Variants in MAML1 observed in about 807,000 individuals in gnomAD.
MAML1 encodes mastermind-like protein 1.
A neutral mutation model predicts 77.1 loss-of-function variants in MAML1; 14 were observed. The ratio of observed to expected loss-of-function variants is 0.18; its 90% CI spans 0.12 to 0.28. MAML1 has a LOEUF of 0.28. Among genes scored for constraint, MAML1 ranks in the 10% least tolerant of loss-of-function variants. The probability of loss-of-function intolerance (pLI) is 1.00; values close to 1 mark genes in which losing one functional copy is unlikely to be tolerated. For missense variants in MAML1, 1,217 were observed against 1,327.8 expected, an observed-to-expected ratio of 0.92 and a Z score of 1.30; for synonymous variants, 516 against 551.9, an observed-to-expected ratio of 0.93 and a Z score of 0.91.
chr5:179,774,721 C>T lies in MAML1; in HGVS notation c.2895C>T (p.Thr965=), dbSNP rs527843157. 1.7e-5 allele frequency: 27 copies of T among 1,611,272 alleles called. No individual in the cohort carries two copies. Among genetic ancestry groups the T allele is most frequent in the Middle Eastern group, 1.6e-4 (1 of 6,062 alleles). The stretch of plus-strand genomic sequence containing the variant: ...GCACCCAGGCCTACCCTGTGCGGAC[C>T]GCGGGCCAGGAGCTGCCTTTTGCCT... ...LHCTQAYPVR[T]AGQELPFAYS... is the part of the protein sequence containing the mutation. Residue 965 remains threonine, a synonymous_variant, in exon 5 of 5, where the codon ACC becomes ACT. Transcript: ENST00000292599.
chr5:179,764,809 C>T (rs937835067), intron 1 of MAML1, among the ~76,000 whole-genome samples: 11 of 151,978 alleles, frequency 7.2e-5, no homozygotes, highest in South Asian at 6.2e-4. Context: ...CAAAAAATAC[C>T]GGAAGTTAGC....
At chr5:179,752,792 GAGA>G (rs1304359163) in intron 1 of MAML1, among the ~76,000 whole-genome samples, 1 of 151,186 alleles carries the variant, frequency 6.6e-6, no homozygotes, top group Non-Finnish European at 1.5e-5. Flanking sequence ...TTATTTTTTT[GAGA>G]AGGAGTCTCA....
At chr5:179,739,792 A>G (rs988764957) in intron 1 of MAML1, among the ~76,000 whole-genome samples, 4 of 152,206 alleles carry the variant, frequency 2.6e-5, no homozygotes, top group African/African-American at 7.2e-5. Flanking sequence ...AGATGTGTAT[A>G]TATTATTGCA....
At chr5:179,742,175 C>A (rs962660071) in intron 1 of MAML1, among the ~76,000 whole-genome samples, 3 of 150,056 alleles carry the variant, frequency 2.0e-5, no homozygotes, top group Admixed American at 1.3e-4. Flanking sequence ...ACCTGGCCAA[C>A]AAACTTAATT....
intron 1 of MAML1, among the ~76,000 whole-genome samples, chr5:179,734,092 T>C (rs896226053): frequency 8.5e-5 from 13 of 152,246 alleles, no homozygotes; most frequent in Admixed American, 2.6e-4. Context: ...AGATTGTTGG[T>C]CAATTATTAC....
rs572697252 is a variant in MAML1, at chr5:179,746,251, C to T, written c.315+12824C>T. Among the ~76,000 whole-genome samples, 157 of 151,858 alleles carry T rather than the reference C, an allele frequency of 1.0e-3. 1 individual carries two copies. The highest frequency in any genetic ancestry group is 3.7e-3 in the African/African-American group (152 of 41,468). On this transcript the variant is annotated intron_variant, in intron 1 of 4. Coordinates refer to ENST00000292599, the MANE Select transcript of MAML1 (RefSeq NM_014757.5). ...ATCCCAGCAACTTGGGAGGCTGAGG[C>T]AGGAGAATCGCTTGAACCTGGGAGG...
At chr5:179,770,170 TG>T (rs954268262) in intron 3 of MAML1, among the ~76,000 whole-genome samples, 1 of 152,064 alleles carries the variant, frequency 6.6e-6, no homozygotes, top group Non-Finnish European at 1.5e-5. Flanking sequence ...TGCTCTGGGC[TG>T]GGCGCAGTGG....
chr5:179,732,847 T>C lies in MAML1; in HGVS notation c.-266T>C, dbSNP rs1581918131. The C allele has an allele frequency of 1.3e-5, 3 of 228,008 alleles. No individual in the cohort carries two copies. The highest frequency in any genetic ancestry group is 2.5e-5 in the Non-Finnish European group (3 of 118,170). The allele number at this position is 228,008 out of a possible 1,614,324, so 14.1% of individuals were successfully genotyped here. On this transcript the variant is annotated 5_prime_UTR_variant, in exon 1 of 5. The change abolishes an upstream ATG in the 5' untranslated region. Coordinates refer to ENST00000292599, the MANE Select transcript of MAML1 (RefSeq NM_014757.5). ...GAGAGGCCCGAAAACAATTTTAAGA[T>C]GGCGGCCGCGGCGGTAGCGCGGAAA... is the stretch of plus-strand genomic sequence containing the variant.
At chr5:179,753,308 C>G (rs1434134173) in intron 1 of MAML1, among the ~76,000 whole-genome samples, 1 of 152,088 alleles carries the variant, frequency 6.6e-6, no homozygotes, top group Non-Finnish European at 1.5e-5. Context: ...CTTCTGATTT[C>G]ACTACTCAAT....
At position 179,765,760 on chromosome 5, in the gene MAML1, G is replaced by A. The variant is rs1484384393; in HGVS notation, c.750G>A (p.Glu250=). ...LMPDLNLNEQ[E]WKELIEELNR... is the part of the protein sequence containing the mutation. ...CAGACCTCAACCTTAACGAGCAGGAGTGGAAGGAGCTCATCGAGGAGCTGA... is the reference window on the plus strand; with the variant it reads ...CAGACCTCAACCTTAACGAGCAGGAATGGAAGGAGCTCATCGAGGAGCTGA... The change falls in exon 2 of 5, where the codon GAG becomes GAA. Residue 250 remains glutamate (E), a synonymous_variant. Coordinates refer to ENST00000292599, the MANE Select transcript of MAML1 (RefSeq NM_014757.5). The A allele has an allele frequency of 8.1e-6, 13 of 1,614,056 alleles. No homozygotes were observed. The highest frequency in any genetic ancestry group is 1.0e-5 in the Non-Finnish European group (12 of 1,180,018).
chr5:179,752,236 G>T (rs1331170350), intron 1 of MAML1, among the ~76,000 whole-genome samples: 4 of 146,768 alleles, frequency 2.7e-5, no homozygotes, highest in Non-Finnish European at 5.9e-5. Context: ...TGAGGCAGGA[G>T]AATCGCTTGA....
chr5:179,767,328 T>A (rs1277698644), intron 2 of MAML1, among the ~76,000 whole-genome samples: 1 of 152,176 alleles, frequency 6.6e-6, no homozygotes, highest in Non-Finnish European at 1.5e-5. Flanking sequence ...GAATTTGTAA[T>A]ACATGCTAAA....
Position 179,766,532 on chromosome 5 carries a change from T to C in MAML1, c.1522T>C (p.Ser508Pro). The C allele has an allele frequency of 6.2e-7, 1 of 1,602,532 alleles. No individual in the cohort carries two copies. The highest frequency in any genetic ancestry group is 1.1e-5 in the South Asian group (1 of 89,754). The part of the protein sequence containing the change: ...LNQNSANNQG[S>P]VLDYGNTKPL... The stretch of plus-strand genomic sequence containing the variant: ...TCAGAACTCCGCGAATAACCAGGGG[T>C]CTGTGCTGGACTACGGCAATACAAA... Residue 508 changes from serine (S) to proline (P), a missense_variant, in exon 2 of 5, where the codon TCT becomes CCT. Physicochemically the swap from Ser to Pro is moderately conservative, Grantham distance 74. This residue lies in a region of MAML1 where 884 missense variants were observed against 949.3 expected (regional missense o/e 0.93). Coordinates refer to ENST00000292599, the MANE Select transcript of MAML1 (RefSeq NM_014757.5). The surrounding 1 kb of genome is among the most constrained non-coding windows in gnomAD (Gnocchi z 4.0).
chr5:179,756,764 C>T (rs575119829), intron 1 of MAML1, among the ~76,000 whole-genome samples: 3 of 152,130 alleles, frequency 2.0e-5, no homozygotes, highest in South Asian at 4.1e-4. Context: ...TAAAAAATGA[C>T]TTGAACTAAC....
At chr5:179,740,396 A>G (rs1029439572) in intron 1 of MAML1, among the ~76,000 whole-genome samples, 10 of 152,002 alleles carry the variant, frequency 6.6e-5, no homozygotes, top group African/African-American at 2.4e-4. Flanking sequence ...TCAGCCTCCC[A>G]AGTAGCTGGG....
At chr5:179,753,148 TCA>T (rs1466773966) in intron 1 of MAML1, among the ~76,000 whole-genome samples, 6 of 152,104 alleles carry the variant, frequency 3.9e-5, no homozygotes, top group Admixed American at 3.3e-4. Context: ...ATTACTGATT[TCA>T]GTTTGCTCAC....
At position 179,768,850 on chromosome 5, in the gene MAML1, G is replaced by C. The variant is rs1204864048; in HGVS notation, c.1732G>C (p.Glu578Gln). ...PFRSLVPPGQEQNPSSVPVQA... is the reference protein window; with the variant it reads ...PFRSLVPPGQQQNPSSVPVQA... ...CACAGTCCCCTATCTGTGTTGACAG[G>C]AGCAGAACCCTTCCAGTGTCCCTGT... The change falls in exon 3 of 5, where the codon GAG (glutamate) becomes CAG (glutamine). Residue 578 changes from glutamate (E) to glutamine (Q), a missense_variant and splice_region_variant. Coordinates refer to ENST00000292599, the MANE Select transcript of MAML1 (RefSeq NM_014757.5). 6.2e-7 allele frequency: 1 copy of C among 1,614,114 alleles called. No individual in the cohort carries two copies. The highest frequency in any genetic ancestry group is 1.3e-5 in the African/African-American group (1 of 75,028).
intron 1 of MAML1, among the ~76,000 whole-genome samples, chr5:179,754,028 A>C (rs1779563648): frequency 6.6e-6 from 1 of 151,958 alleles, no homozygotes; most frequent in African/African-American, 2.4e-5. Context: ...TCACGCCTGT[A>C]ATCTCAGCAC....
chr5:179,768,921 C>T lies in MAML1; in HGVS notation c.1803C>T (p.Ser601=), dbSNP rs141541345. The change falls in exon 3 of 5, where the codon TCC becomes TCT. Residue 601 remains serine, a synonymous_variant. Transcript: ENST00000292599. ...TSVGTQPPAV[S]VASSHNSSPY... ...TTGGGACCCAGCCGCCTGCCGTGTC[C>T]GTGGCCAGCTCCCACAACAGCTCCC... The T allele has an allele frequency of 9.1e-5, 147 of 1,614,140 alleles. No homozygotes were observed. In the African/African-American group the frequency reaches 1.4e-3, roughly 15 times the overall value.
Sources: gnomAD v4.1 joint callset for allele counts (sites outside exome capture counted in the v4.1 genomes callset) on GRCh38, gnomAD v4.1.1 for gene constraint, gnomAD v4.1.1 regional missense constraint, Gnocchi (gnomAD v3.1) non-coding constraint, MANE v1.5 for transcripts, NCBI Gene and HGNC (gene_info 2026-07-23, HGNC 2026-07-21) for gene names.